The following KAT2B variants were observed in gnomAD, a reference collection of about 807,000 sequenced individuals.
KAT2B encodes histone acetyltransferase KAT2B.
Under a neutral mutation model 105.9 loss-of-function variants are expected in KAT2B, and 36 were observed. The observed-to-expected ratio is 0.34, with a 90% CI of 0.26 to 0.45. The LOEUF (loss-of-function observed/expected upper bound fraction) is 0.45. Among genes scored for constraint, KAT2B ranks in the 20% least tolerant of loss-of-function variants. The pLI, the probability that KAT2B is intolerant of heterozygous loss-of-function variation, is 1.00. For missense variants in KAT2B, 820 were observed against 1,021.6 expected, an observed-to-expected ratio of 0.80 and a Z score of 2.69; for synonymous variants, 397 against 377.9, an observed-to-expected ratio of 1.05 and a Z score of -0.59.
At chr3:20,119,189 T>C (rs1195703295) in intron 7 of KAT2B, among the ~76,000 whole-genome samples, 1 of 152,114 alleles carries the variant, frequency 6.6e-6, no homozygotes, top group East Asian at 1.9e-4. Flanking sequence ...TATAAATATC[T>C]TGTCTTCATC....
At position 20,111,624 on chromosome 3, in the gene KAT2B, T is replaced by A; in HGVS notation, c.880T>A (p.Phe294Ile). The change falls in exon 6 of 18, where the codon TTC (phenylalanine) becomes ATC (isoleucine). Residue 294 changes from phenylalanine (F) to isoleucine (I), a missense_variant. Transcript: ENST00000263754. ...GCTGTGTTACTGCAACGTGCCACAG[T>A]TCTGCGACAGTCTACCTCGGTACGA... is the stretch of plus-strand genomic sequence containing the variant. Reference protein sequence around the residue: ...RWLCYCNVPQFCDSLPRYETT... With the variant: ...RWLCYCNVPQICDSLPRYETT... 1 of 1,613,462 alleles carries A rather than the reference T, an allele frequency of 6.2e-7. No individual in the cohort carries two copies. The highest frequency in any genetic ancestry group is 8.5e-7 in the Non-Finnish European group (1 of 1,179,716).
chr3:20,062,943 T>C (rs532686765), intron 1 of KAT2B, among the ~76,000 whole-genome samples: 26 of 152,210 alleles, frequency 1.7e-4, no homozygotes, highest in Non-Finnish European at 3.2e-4. Context: ...ATCAAATATA[T>C]GGTTTGCAAA....
At chr3:20,049,370 C>G (rs1473922364) in intron 1 of KAT2B, among the ~76,000 whole-genome samples, 2 of 152,180 alleles carry the variant, frequency 1.3e-5, no homozygotes, top group Non-Finnish European at 2.9e-5. Flanking sequence ...TGTTATGTCT[C>G]ACGACATTTG....
intron 10 of KAT2B, 87 bp from the exon 11 acceptor site, chr3:20,127,332 CTCTT>C (rs1699423955): frequency 8.9e-7 from 1 of 1,123,152 alleles, no homozygotes; most frequent in Non-Finnish European, 1.3e-6. Context: ...GGACATGTCC[CTCTT>C]TCTTAGTTGG....
At chr3:20,096,941 T>C (rs1420360154) in intron 3 of KAT2B, among the ~76,000 whole-genome samples, 1 of 123,474 alleles carries the variant, frequency 8.1e-6, no homozygotes, top group Non-Finnish European at 1.7e-5. Context: ...TTAAAAAGAA[T>C]AATAGGAAAG....
chr3:20,140,138 TCA>T lies in KAT2B; in HGVS notation c.1861-78_1861-77del, dbSNP rs373264620. 3.9e-5 allele frequency: 35 copies of T among 893,210 alleles called. No homozygotes were observed. In the African/African-American group the frequency reaches 5.3e-4, roughly 14 times the overall value. 55.3% of individuals were successfully genotyped at this position (893,210 alleles called of 1,614,324 possible). On this transcript the variant is annotated intron_variant, in intron 12 of 17. Coordinates refer to ENST00000263754, the MANE Select transcript of KAT2B (RefSeq NM_003884.5). The stretch of plus-strand genomic sequence containing the variant: ...CTTCAAAGAAGCTTGTCTTGATTCC[TCA>T]CACAGTGCCTGGAACATAGTTAGCA...
intron 1 of KAT2B, among the ~76,000 whole-genome samples, chr3:20,053,611 G>T (rs1575106102): frequency 6.6e-6 from 1 of 152,266 alleles, no homozygotes; most frequent in South Asian, 2.1e-4. Flanking sequence ...GCTACAAAGT[G>T]AGACAAAGTT....
intron 2 of KAT2B, among the ~76,000 whole-genome samples, chr3:20,078,240 G>A (rs903176694): frequency 1.3e-5 from 2 of 152,042 alleles, no homozygotes; most frequent in Non-Finnish European, 2.9e-5. Context: ...CAGGAAAGTA[G>A]GAAACAAATC....
chr3:20,078,364 A>G (rs1163386822), intron 2 of KAT2B, among the ~76,000 whole-genome samples: 1 of 151,966 alleles, frequency 6.6e-6, no homozygotes, highest in Non-Finnish European at 1.5e-5. Flanking sequence ...TTTAGTTTAG[A>G]GGTTTTTTGA....
Position 20,125,947 on chromosome 3 carries a change from A to C in KAT2B, c.1456A>C (p.Arg486=). The change falls in exon 10 of 18, where the codon AGG becomes CGG. Residue 486 remains arginine, a synonymous_variant. Coordinates refer to ENST00000263754, the MANE Select transcript of KAT2B (RefSeq NM_003884.5). ...SAHSARDEAA[R]LEERRGVIEF... is the part of the protein sequence containing the mutation. Reference sequence around the variant, plus strand: ...ACACTCGGCCAGGGATGAGGCGGCAAGGTTGGAAGAGCGCAGGGGTGTAAT... The same window carrying C: ...ACACTCGGCCAGGGATGAGGCGGCACGGTTGGAAGAGCGCAGGGGTGTAAT... 6.2e-7 allele frequency: 1 copy of C among 1,614,008 alleles called. No individual in the cohort carries two copies. The highest frequency in any genetic ancestry group is 2.2e-5 in the East Asian group (1 of 44,880).
chr3:20,069,492 A>G (rs1014270748), intron 1 of KAT2B, among the ~76,000 whole-genome samples: 1 of 149,822 alleles, frequency 6.7e-6, no homozygotes, highest in Non-Finnish European at 1.5e-5. Flanking sequence ...GATATAGGGG[A>G]GGGCAGAGAG....
Position 20,127,564 on chromosome 3 carries a change from A to G in KAT2B, c.1749+15A>G, listed in dbSNP as rs758388907. The G allele has an allele frequency of 3.7e-6, 6 of 1,611,538 alleles. No homozygotes were observed. Among genetic ancestry groups the G allele is most frequent in the Non-Finnish European group, 5.1e-6 (6 of 1,178,472 alleles). On this transcript the variant is annotated intron_variant, in intron 11 of 17. Coordinates refer to ENST00000263754, the MANE Select transcript of KAT2B (RefSeq NM_003884.5). ...AGCAAGTCAAGGTAAGGGTAAACCCAAGGTCTTAGAAGAAGAGCAGAATGT... is the reference window on the plus strand; with the variant it reads ...AGCAAGTCAAGGTAAGGGTAAACCCGAGGTCTTAGAAGAAGAGCAGAATGT...
At chr3:20,140,417 G>C in intron 13 of KAT2B, 53 bp downstream of exon 13, 1 of 1,593,268 alleles carries the variant, frequency 6.3e-7, no homozygotes, top group Non-Finnish European at 8.6e-7. Flanking sequence ...CTTAGCTGGG[G>C]TGGGTTGCAT....
Position 20,111,597 on chromosome 3 carries a change from T to C in KAT2B, c.853T>C (p.Trp285Arg). Residue 285 changes from tryptophan to arginine, a missense_variant and splice_region_variant, in exon 6 of 18, where the codon TGG becomes CGG. Transcript: ENST00000263754. ...GGTGCTTGACTTCTCTTGTCACAGG[T>C]GGCTGTGTTACTGCAACGTGCCACA... ...ISGYKENYTR[W>R]LCYCNVPQFC... The C allele has an allele frequency of 6.2e-7, 1 of 1,606,562 alleles. No individual in the cohort carries two copies. Among genetic ancestry groups the C allele is most frequent in the Non-Finnish European group, 8.5e-7 (1 of 1,176,300 alleles).
At position 20,122,658 on chromosome 3, in the gene KAT2B, A is replaced by G. The variant is rs1384914957; in HGVS notation, c.1277-10A>G. 1 of 1,609,568 alleles carries G rather than the reference A, an allele frequency of 6.2e-7. No homozygotes were observed. ...CACCCATTGTTTGCCTTTTATTTTGATCATCATAGGAGAAAAGAGGAAAAT... is the reference window on the plus strand; with the variant it reads ...CACCCATTGTTTGCCTTTTATTTTGGTCATCATAGGAGAAAAGAGGAAAAT... On this transcript the variant is annotated splice_polypyrimidine_tract_variant and intron_variant, in intron 8 of 17. Transcript: ENST00000263754.
intron 12 of KAT2B, among the ~76,000 whole-genome samples, chr3:20,137,405 G>T (rs1001308126): frequency 6.6e-6 from 1 of 152,134 alleles, no homozygotes; most frequent in Non-Finnish European, 1.5e-5. Context: ...TTTCTGGAAG[G>T]CCTCCATTTA....
At chr3:20,046,958 CA>C in intron 1 of KAT2B, among the ~76,000 whole-genome samples, 1 of 152,238 alleles carries the variant, frequency 6.6e-6, no homozygotes, top group South Asian at 2.1e-4. Flanking sequence ...CAACTCCCCC[CA>C]ACGAATGATT....
intron 2 of KAT2B, among the ~76,000 whole-genome samples, chr3:20,081,025 G>A (rs1698510242): frequency 6.6e-6 from 1 of 151,748 alleles, no homozygotes; most frequent in Non-Finnish European, 1.5e-5. Flanking sequence ...TTTCATTCCA[G>A]ATCTGAGATT....
chr3:20,075,997 G>A (rs1354806267), intron 2 of KAT2B, among the ~76,000 whole-genome samples: 1 of 152,040 alleles, frequency 6.6e-6, no homozygotes, highest in Non-Finnish European at 1.5e-5. Context: ...TGGGGTTGAA[G>A]GTTCCAATCC....
Sources: allele counts gnomAD v4.1 joint callset (sites outside exome capture counted in the v4.1 genomes callset), GRCh38; gene constraint gnomAD v4.1.1; transcripts MANE v1.5; gene names NCBI Gene and HGNC (gene_info 2026-07-23, HGNC 2026-07-21).